COPS4: variants seen among roughly 807,000 people sequenced by gnomAD.
COPS4 encodes COP9 signalosome complex subunit 4.
In COPS4, 8 loss-of-function variants were observed where a neutral mutation model predicts 55.1. The observed-to-expected ratio is 0.15, with a 90% CI of 0.09 to 0.26. COPS4 has a LOEUF of 0.26. Ranked by LOEUF, COPS4 falls within the 10% of genes least tolerant of loss-of-function variation. COPS4 has a pLI of 1.00. For synonymous variants in COPS4, 185 were observed against 165.7 expected (o/e 1.12, Z -0.90); for missense variants, 248 against 484.0 (o/e 0.51, Z 4.58).
rs1251228370 is a variant in COPS4 at position 83,070,580 on chromosome 4, G to A, written c.1087+2058G>A. Among the ~76,000 whole-genome samples, 3 of 152,050 alleles carry A rather than the reference G, an allele frequency of 2.0e-5. No individual in the cohort carries two copies. The East Asian group carries it at 5.8e-4, about 29-fold the overall frequency. On this transcript the variant is annotated intron_variant, in intron 9 of 9. Transcript: ENST00000264389. The stretch of plus-strand genomic sequence containing the variant: ...AACCTCCAAAATCCCTGAAGTGCTG[G>A]GACTATAGGTGTGAGCCACTGTATT...
intron 7 of COPS4, among the ~76,000 whole-genome samples, chr4:83,064,808 C>T (rs1164705986): frequency 3.3e-5 from 5 of 150,916 alleles, no homozygotes; most frequent in Non-Finnish European, 4.4e-5. Context: ...AATCTTCCCA[C>T]CTCAGCCTTC....
intron 7 of COPS4, among the ~76,000 whole-genome samples, chr4:83,064,472 C>G (rs1039422027): frequency 6.6e-6 from 1 of 152,216 alleles, no homozygotes; most frequent in Non-Finnish European, 1.5e-5. Flanking sequence ...TACATTTTCC[C>G]AAACTGAAAC....
chr4:83,066,024 C>T (rs1731283377), intron 7 of COPS4, among the ~76,000 whole-genome samples: 1 of 152,120 alleles, frequency 6.6e-6, no homozygotes, highest in African/African-American at 2.4e-5. Context: ...TAGTGGTGCA[C>T]ACCTGTAGTC....
At chr4:83,052,931 G>A (rs920358836) in intron 4 of COPS4, among the ~76,000 whole-genome samples, 1 of 152,204 alleles carries the variant, frequency 6.6e-6, no homozygotes, top group Admixed American at 6.5e-5. Context: ...GACATCAGCT[G>A]GAACGGTGGA....
chr4:83,039,321 A>G (rs572622619), intron 1 of COPS4, among the ~76,000 whole-genome samples: 1 of 152,152 alleles, frequency 6.6e-6, no homozygotes, highest in African/African-American at 2.4e-5. Flanking sequence ...GAGCCTGTTC[A>G]TGTGACAGCA....
intron 2 of COPS4, among the ~76,000 whole-genome samples, chr4:83,048,089 T>C (rs899317980): frequency 3.3e-5 from 5 of 152,334 alleles, no homozygotes; most frequent in Non-Finnish European, 7.3e-5. Context: ...ATGATAGTTA[T>C]AATAGTAACA....
At chr4:83,056,813 A>T (rs1731026625) in intron 4 of COPS4, 113 bp from the exon 5 acceptor site, 2 of 888,596 alleles carry the variant, frequency 2.3e-6, no homozygotes, top group South Asian at 3.8e-5. Flanking sequence ...AAAAAGTTTG[A>T]TTCCCTTACG....
Position 83,075,290 on chromosome 4 carries a change from C to T in COPS4, c.1088-7C>T. The T allele has an allele frequency of 6.2e-7, 1 of 1,605,792 alleles. No individual in the cohort carries two copies. On this transcript the variant is annotated splice_region_variant and splice_polypyrimidine_tract_variant and intron_variant, in intron 9 of 9. Coordinates refer to ENST00000264389, the MANE Select transcript of COPS4 (RefSeq NM_016129.3). The stretch of plus-strand genomic sequence containing the variant: ...ATTTTAATTTTGTACATTTTTTTTC[C>T]CCTTAGCACGAGAAGCCCTGCCAAC...
chr4:83,060,703 C>T (rs1731143435), intron 6 of COPS4, among the ~76,000 whole-genome samples: 1 of 151,752 alleles, frequency 6.6e-6, no homozygotes, highest in South Asian at 2.1e-4. Flanking sequence ...ATTCTGTTTT[C>T]TACTTTCTTT....
At chr4:83,069,939 T>A (rs868653363) in intron 9 of COPS4, among the ~76,000 whole-genome samples, 3 of 152,280 alleles carry the variant, frequency 2.0e-5, no homozygotes, top group East Asian at 1.9e-4. Flanking sequence ...TCTGATTTTA[T>A]CCTTTTTTTC....
At chr4:83,046,123 G>A (rs1053920312) in intron 2 of COPS4, among the ~76,000 whole-genome samples, 1 of 151,702 alleles carries the variant, frequency 6.6e-6, no homozygotes, top group Non-Finnish European at 1.5e-5. Context: ...GGGTAGTACA[G>A]TACTGTACTT....
chr4:83,040,867 AATG>A (rs533190431), intron 1 of COPS4, among the ~76,000 whole-genome samples: 32 of 150,570 alleles, frequency 2.1e-4, no homozygotes, highest in Non-Finnish European at 4.4e-4. Context: ...TGTGATCTTA[AATG>A]ATGACTGTGG....
At chr4:83,055,392 T>G (rs1730988855) in intron 4 of COPS4, among the ~76,000 whole-genome samples, 2 of 152,220 alleles carry the variant, frequency 1.3e-5, no homozygotes. Context: ...TTTATCCAGT[T>G]TTTTCATTTA....
At chr4:83,062,280 G>A (rs898022790) in intron 6 of COPS4, among the ~76,000 whole-genome samples, 4 of 152,122 alleles carry the variant, frequency 2.6e-5, no homozygotes, top group African/African-American at 9.7e-5. Flanking sequence ...AAGGAAAATA[G>A]AAATCACCTG....
rs1002193968 is a variant in COPS4, at chr4:83,035,201, A to G, written c.-24A>G. On this transcript the variant is annotated 5_prime_UTR_variant, in exon 1 of 10. Coordinates refer to ENST00000264389, the MANE Select transcript of COPS4 (RefSeq NM_016129.3). ...CTTTTTGGCTGCCAGAGGCCCCCGC[A>G]TCCACCGCTGAGCTGGGAGAAAGAT... The G allele has an allele frequency of 1.9e-6, 3 of 1,545,354 alleles. No individual in the cohort carries two copies. The highest frequency in any genetic ancestry group is 3.5e-5 in the Admixed American group (2 of 57,534).
At chr4:83,057,166 A>C in intron 5 of COPS4, 87 bp downstream of exon 5, 1 of 1,502,146 alleles carries the variant, frequency 6.7e-7, no homozygotes, top group African/African-American at 1.4e-5. Context: ...AGATGCTCTT[A>C]AATATTAGAA....
At chr4:83,070,166 A>ATAG (rs1731386174) in intron 9 of COPS4, among the ~76,000 whole-genome samples, 2 of 152,264 alleles carry the variant, frequency 1.3e-5, no homozygotes, top group Non-Finnish European at 2.9e-5. Flanking sequence ...GCTATCCTTC[A>ATAG]TAGTCATCTT....
In COPS4 at chr4:83,041,068, GTTTTTTT is replaced by G. The variant is rs943826847; in HGVS notation, c.75-4552_75-4546del. 1.2e-4 allele frequency among the ~76,000 whole-genome samples: 16 copies of G among 133,024 alleles called. No individual in the cohort carries two copies. In the South Asian group the frequency reaches 3.3e-3, roughly 28 times the overall value. 87.3% of individuals were successfully genotyped at this position (133,024 alleles called of 152,430 possible). A position where few individuals can be genotyped will look rare whatever the true frequency, so the allele number is the denominator to read the frequency against. ...CATAAGTTTTTTTTTTTTGTTTTTTGTTTTTTTTTTTTGAGATGGAATCTCACTCTGT... is the reference window on the plus strand; with the variant it reads ...CATAAGTTTTTTTTTTTTGTTTTTTGTTTTTGAGATGGAATCTCACTCTGT... On this transcript the variant is annotated intron_variant, in intron 1 of 9. Transcript: ENST00000264389.
intron 9 of COPS4, among the ~76,000 whole-genome samples, chr4:83,072,431 G>A (rs886342617): frequency 3.9e-5 from 6 of 152,172 alleles, no homozygotes; most frequent in Admixed American, 2.6e-4. Flanking sequence ...TCTTCTGGAA[G>A]ACAATACATA....
Sources: allele counts gnomAD v4.1 joint callset (sites outside exome capture counted in the v4.1 genomes callset), GRCh38; gene constraint gnomAD v4.1.1; transcripts MANE v1.5; gene names NCBI Gene and HGNC (gene_info 2026-07-23, HGNC 2026-07-21).